The following LAMP3 variants were observed in gnomAD, a reference collection of about 807,000 sequenced individuals.
The protein encoded by LAMP3 is lysosome-associated membrane glycoprotein 3.
A neutral mutation model predicts 34.8 loss-of-function variants in LAMP3; 26 were observed. The observed-to-expected ratio is 0.75, with a 90% confidence interval of 0.55 to 1.04. The LOEUF (loss-of-function observed/expected upper bound fraction) is 1.04, where lower values mean the gene tolerates loss of function less well. LAMP3 is among the 50% of genes least tolerant of loss of function. The pLI is 0.00. For synonymous variants in LAMP3, 180 were observed against 201.9 expected (o/e 0.89, Z 0.92); for missense variants, 495 against 524.0 (o/e 0.94, Z 0.54).
intron 3 of LAMP3, among the ~76,000 whole-genome samples, chr3:183,149,105 T>C (rs1430318388): frequency 1.3e-5 from 2 of 152,152 alleles, no homozygotes; most frequent in African/African-American, 2.4e-5. Flanking sequence ...AGACAAACTT[T>C]GTACCTTCTC....
At chr3:183,151,664 G>A (rs1363448279) in intron 3 of LAMP3, among the ~76,000 whole-genome samples, 2 of 151,896 alleles carry the variant, frequency 1.3e-5, no homozygotes, top group African/African-American at 4.8e-5. Flanking sequence ...CTGACCTCAG[G>A]TGATCTGCCC....
At chr3:183,161,050 T>C (rs1464574) in intron 1 of LAMP3, 70,755 of 152,140 alleles carry the variant, frequency 0.47, 17,995 homozygotes, top group South Asian at 0.58. Context: ...TTAACATCAC[T>C]GAGCAAAATC....
At chr3:183,151,561 G>A (rs1720634423) in intron 3 of LAMP3, among the ~76,000 whole-genome samples, 1 of 151,636 alleles carries the variant, frequency 6.6e-6, no homozygotes, top group African/African-American at 2.4e-5. Context: ...CCAAGTAGCT[G>A]GGATTACAGG....
At chr3:183,157,753 C>CA (rs1034050259) in intron 1 of LAMP3, among the ~76,000 whole-genome samples, 5 of 150,532 alleles carry the variant, frequency 3.3e-5, no homozygotes, top group Admixed American at 2.0e-4. Flanking sequence ...TTAAAAAAAA[C>CA]AAAAAAAGCC....
chr3:183,140,664 C>CA, intron 3 of LAMP3, 69 bp from the exon 4 acceptor site: 1 of 1,068,696 alleles, frequency 9.4e-7, no homozygotes, highest in Non-Finnish European at 1.4e-6. Flanking sequence ...GGTTTATAAA[C>CA]TTTGTTTAAG....
chr3:183,131,683 T>C (rs1719928626), intron 5 of LAMP3, among the ~76,000 whole-genome samples: 1 of 152,138 alleles, frequency 6.6e-6, no homozygotes, highest in Non-Finnish European at 1.5e-5. Context: ...ATTTCCTAAG[T>C]AGGCAGTAGT....
At chr3:183,142,688 T>G (rs1720320931) in intron 3 of LAMP3, among the ~76,000 whole-genome samples, 1 of 152,212 alleles carries the variant, frequency 6.6e-6, no homozygotes, top group Non-Finnish European at 1.5e-5. Context: ...AAATTCATTA[T>G]GTGAGAATTT....
Position 183,122,603 on chromosome 3 carries a change from CTTTGAG to C in LAMP3, c.*1472_*1477del, listed in dbSNP as rs1719696555. The C allele has an allele frequency of 2.0e-5, 3 of 152,224 alleles. No individual in the cohort carries two copies. Among genetic ancestry groups the C allele is most frequent in the South Asian group, 2.1e-4 (1 of 4,834 alleles). 9.4% of individuals were successfully genotyped at this position (152,224 alleles called of 1,614,324 possible). On this transcript the variant is annotated 3_prime_UTR_variant, in exon 6 of 6. Coordinates refer to ENST00000265598, the MANE Select transcript of LAMP3 (RefSeq NM_014398.4). ...CTATTATCAAAAAAATTTAAAAATACTTTGAGTTTATTTGATGCCTTCATCTTTACA... is the reference window on the plus strand; with the variant it reads ...CTATTATCAAAAAAATTTAAAAATACTTTATTTGATGCCTTCATCTTTACA...
At chr3:183,158,492 C>A (rs953467660) in intron 1 of LAMP3, among the ~76,000 whole-genome samples, 31 of 150,424 alleles carry the variant, frequency 2.1e-4, no homozygotes, top group Non-Finnish European at 3.1e-4. Flanking sequence ...CCCACCCCAC[C>A]CCAGCCTCCC....
chr3:183,125,261 T>A (rs538510453), intron 5 of LAMP3, among the ~76,000 whole-genome samples: 1 of 152,208 alleles, frequency 6.6e-6, no homozygotes, highest in South Asian at 2.1e-4. Context: ...GAGGTCATTG[T>A]ACGAACTAAC....
At chr3:183,145,054 G>A (rs1720399698) in intron 3 of LAMP3, among the ~76,000 whole-genome samples, 1 of 152,144 alleles carries the variant, frequency 6.6e-6, no homozygotes, top group African/African-American at 2.4e-5. Flanking sequence ...AGAGCTGCCC[G>A]GCCAAAGGGG....
At chr3:183,143,122 T>C (rs368490422) in intron 3 of LAMP3, among the ~76,000 whole-genome samples, 12 of 152,154 alleles carry the variant, frequency 7.9e-5, no homozygotes, top group African/African-American at 2.9e-4. Context: ...TCTAGCTTTT[T>C]TTTTGAGTTG....
At chr3:183,155,461 T>C (rs745474969) in intron 1 of LAMP3, among the ~76,000 whole-genome samples, 4 of 152,210 alleles carry the variant, frequency 2.6e-5, no homozygotes, top group Non-Finnish European at 5.9e-5. Flanking sequence ...TTCAGGTGGG[T>C]TGTCCTTTGT....
At chr3:183,141,713 T>C (rs1720290092) in intron 3 of LAMP3, among the ~76,000 whole-genome samples, 1 of 152,220 alleles carries the variant, frequency 6.6e-6, no homozygotes, top group African/African-American at 2.4e-5. Flanking sequence ...AGGTCATTGA[T>C]ACTGATACAC....
chr3:183,142,810 T>G (rs1720325743), intron 3 of LAMP3, among the ~76,000 whole-genome samples: 1 of 152,032 alleles, frequency 6.6e-6, no homozygotes, highest in Admixed American at 6.6e-5. Flanking sequence ...CCGGGCCATG[T>G]GTTCAAAAAT....
At chr3:183,163,202 C>G (rs1177740966), upstream of LAMP3, among the ~76,000 whole-genome samples, 2 of 151,694 alleles carry the variant, frequency 1.3e-5, no homozygotes, top group Non-Finnish European at 2.9e-5. Flanking sequence ...GTGATTCGCC[C>G]GCCTCGACCT....
intron 1 of LAMP3, among the ~76,000 whole-genome samples, chr3:183,155,993 C>T (rs1019975772): frequency 4.6e-5 from 7 of 152,176 alleles, no homozygotes; most frequent in East Asian, 1.9e-4. Flanking sequence ...AGAGGTCCTC[C>T]GTTCTTTTCC....
chr3:183,141,416 A>C (rs1720279827), intron 3 of LAMP3, among the ~76,000 whole-genome samples: 1 of 152,190 alleles, frequency 6.6e-6, no homozygotes, highest in Admixed American at 6.5e-5. Flanking sequence ...GGGGTGTAGA[A>C]GGGTAAGTTG....
chr3:183,142,262 G>C (rs1720307309), intron 3 of LAMP3, among the ~76,000 whole-genome samples: 2 of 152,140 alleles, frequency 1.3e-5, no homozygotes, highest in Non-Finnish European at 2.9e-5. Context: ...GTCCATCGAA[G>C]GGTTTTAAGC....
Sources: gnomAD v4.1 joint callset for allele counts (sites outside exome capture counted in the v4.1 genomes callset) on GRCh38, gnomAD v4.1.1 for gene constraint, MANE v1.5 for transcripts, NCBI Gene and HGNC (gene_info 2026-07-23, HGNC 2026-07-21) for gene names.